Variants in LINGO2 observed in about 807,000 individuals in gnomAD.
LINGO2 encodes the protein leucine rich repeat and Ig domain containing 2.
In LINGO2, 14 loss-of-function variants were observed where a neutral mutation model predicts 30.6. The observed-to-expected ratio is 0.46, with a 90% CI of 0.30 to 0.72. The LOEUF is 0.72. Among genes scored for constraint, LINGO2 ranks in the 30% least tolerant of loss-of-function variants. The probability of loss-of-function intolerance (pLI) is 0.07; values close to 1 mark genes in which losing one functional copy is unlikely to be tolerated. For synonymous variants in LINGO2, 317 were observed against 288.5 expected (o/e 1.10, Z -1.00); for missense variants, 729 against 751.7 (o/e 0.97, Z 0.35).
chr9:29,131,291 C>T, the LINGO2 span, among the ~76,000 whole-genome samples: 1 of 152,074 alleles, frequency 6.6e-6, no homozygotes, highest in Non-Finnish European at 1.5e-5. Flanking sequence ...CGGGACCATG[C>T]ATACTGGGAA....
At chr9:28,233,179 C>T (rs1370819144) in intron 4 of LINGO2, among the ~76,000 whole-genome samples, 1 of 150,040 alleles carries the variant, frequency 6.7e-6, no homozygotes, top group African/African-American at 2.5e-5. Context: ...GTGTCATCTC[C>T]ATTGATATGA....
chr9:28,168,602 A>G (rs1828497168), intron 4 of LINGO2, among the ~76,000 whole-genome samples: 1 of 152,226 alleles, frequency 6.6e-6, no homozygotes, highest in South Asian at 2.1e-4. Flanking sequence ...CTAAATGGCT[A>G]TAAATTAGTT....
chr9:28,195,592 A>C (rs772861079), intron 4 of LINGO2, among the ~76,000 whole-genome samples: 2 of 151,164 alleles, frequency 1.3e-5, no homozygotes, highest in Admixed American at 1.3e-4. Context: ...TATATAAACA[A>C]ATTTGGGAAC....
chr9:28,640,689 G>A (rs1336837571), intron 1 of LINGO2, among the ~76,000 whole-genome samples: 3 of 151,894 alleles, frequency 2.0e-5, no homozygotes, highest in Non-Finnish European at 2.9e-5. Flanking sequence ...GGTCCTTTAA[G>A]GACTTCTCTG....
chr9:29,091,106 T>G, the LINGO2 span, among the ~76,000 whole-genome samples: 1 of 152,110 alleles, frequency 6.6e-6, no homozygotes, highest in Non-Finnish European at 1.5e-5. Context: ...TTGTTGACAT[T>G]CATGATATTG....
chr9:28,135,758 G>A (rs759029651), intron 4 of LINGO2, among the ~76,000 whole-genome samples: 8 of 152,054 alleles, frequency 5.3e-5, no homozygotes, highest in Non-Finnish European at 1.0e-4. Flanking sequence ...CAGCTGATGA[G>A]TCTGAATGTA....
At chr9:28,877,223 T>C in the LINGO2 span, among the ~76,000 whole-genome samples, 1 of 151,868 alleles carries the variant, frequency 6.6e-6, no homozygotes, top group African/African-American at 2.4e-5. Context: ...CTGATGGTAG[T>C]TTCTTTTGCT....
chr9:27,959,939 G>A (rs1017683507), intron 5 of LINGO2, among the ~76,000 whole-genome samples: 2 of 152,008 alleles, frequency 1.3e-5, no homozygotes, highest in Non-Finnish European at 2.9e-5. Flanking sequence ...TTTCATGTAT[G>A]TTAAAGCTCT....
intron 2 of LINGO2, among the ~76,000 whole-genome samples, chr9:28,450,002 C>T (rs766859345): frequency 3.3e-5 from 5 of 151,938 alleles, no homozygotes; most frequent in South Asian, 2.1e-4. Context: ...CACACCATTC[C>T]GCATTACTCA....
chr9:28,117,470 C>G (rs1277668230), intron 4 of LINGO2, among the ~76,000 whole-genome samples: 1 of 99,542 alleles, frequency 1.0e-5, no homozygotes, highest in East Asian at 2.7e-4. Flanking sequence ...CTTTGTTTAC[C>G]TAAGCAAGCC....
the LINGO2 span, among the ~76,000 whole-genome samples, chr9:28,688,008 C>T: frequency 6.6e-6 from 1 of 152,194 alleles, no homozygotes; most frequent in East Asian, 1.9e-4. Flanking sequence ...AGTTTGAAAC[C>T]TTCCAAAAAG....
intron 4 of LINGO2, among the ~76,000 whole-genome samples, chr9:28,194,935 T>C (rs1251131317): frequency 1.3e-5 from 2 of 152,028 alleles, no homozygotes; most frequent in Admixed American, 6.6e-5. Flanking sequence ...CTACTAAATA[T>C]ATAGAGTAAT....
chr9:29,187,736 C>T, the LINGO2 span, among the ~76,000 whole-genome samples: 22 of 147,054 alleles, frequency 1.5e-4, no homozygotes, highest in African/African-American at 5.3e-4. Flanking sequence ...ATTCAATGGT[C>T]TAGGTATGTA....
At chr9:28,431,087 C>T (rs930615500) in intron 2 of LINGO2, among the ~76,000 whole-genome samples, 4 of 138,136 alleles carry the variant, frequency 2.9e-5, no homozygotes, top group African/African-American at 1.1e-4. Flanking sequence ...AAGGCAGAAA[C>T]AACAGTCTTT....
intron 5 of LINGO2, among the ~76,000 whole-genome samples, chr9:27,963,030 G>A (rs148416627): frequency 6.6e-6 from 1 of 152,130 alleles, no homozygotes; most frequent in Non-Finnish European, 1.5e-5. Flanking sequence ...TAGACTTAAA[G>A]AAGCAACATG....
chr9:28,448,150 T>C (rs956714411), intron 2 of LINGO2, among the ~76,000 whole-genome samples: 12 of 152,074 alleles, frequency 7.9e-5, no homozygotes, highest in South Asian at 2.1e-4. Flanking sequence ...TAAAAATATC[T>C]TGAAAAGATA....
intron 1 of LINGO2, among the ~76,000 whole-genome samples, chr9:28,623,517 C>T (rs1414877230): frequency 1.3e-5 from 2 of 151,640 alleles, no homozygotes; most frequent in Non-Finnish European, 3.0e-5. Flanking sequence ...TGTGAATTTT[C>T]TTCTTGGGGG....
chr9:28,072,214 C>A (rs1825499596), intron 4 of LINGO2, among the ~76,000 whole-genome samples: 1 of 152,156 alleles, frequency 6.6e-6, no homozygotes, highest in Non-Finnish European at 1.5e-5. Context: ...TGATGTCTTG[C>A]ACACAACATG....
the LINGO2 span, among the ~76,000 whole-genome samples, chr9:28,779,661 A>G: frequency 6.6e-6 from 1 of 152,196 alleles, no homozygotes; most frequent in South Asian, 2.1e-4. Context: ...TATGAATCTT[A>G]CAACACATTT....
Sources: allele counts gnomAD v4.1 joint callset (sites outside exome capture counted in the v4.1 genomes callset), GRCh38; gene constraint gnomAD v4.1.1; transcripts MANE v1.5; gene names NCBI Gene and HGNC (gene_info 2026-07-23, HGNC 2026-07-21).